SLC24A2: variants seen among roughly 807,000 people sequenced by gnomAD.
SLC24A2 encodes the protein solute carrier family 24 member 2.
Under a neutral mutation model 62.0 loss-of-function variants are expected in SLC24A2, and 36 were observed. The observed-to-expected ratio is 0.58, with a 90% CI of 0.44 to 0.77. The LOEUF (loss-of-function observed/expected upper bound fraction) is 0.77. SLC24A2 is among the 30% of genes least tolerant of loss of function. The pLI is 0.00. For synonymous variants in SLC24A2, 358 were observed against 294.0 expected, an observed-to-expected ratio of 1.22 and a Z score of -2.23; for missense variants, 846 against 817.9, an observed-to-expected ratio of 1.03 and a Z score of -0.42.
chr9:19,677,884 T>C (rs1819605722), intron 2 of SLC24A2, among the ~76,000 whole-genome samples: 1 of 151,342 alleles, frequency 6.6e-6, no homozygotes, highest in Admixed American at 6.6e-5. Flanking sequence ...TACAAACATA[T>C]ATAAGCAAAC....
the SLC24A2 span, among the ~76,000 whole-genome samples, chr9:20,231,051 C>T: frequency 0.13 from 20,128 of 151,678 alleles, 1,557 homozygotes; most frequent in African/African-American, 0.21. Context: ...TGTAGATATG[C>T]CGCATTATTT....
the SLC24A2 span, among the ~76,000 whole-genome samples, chr9:20,122,396 T>C: frequency 1.3e-5 from 2 of 152,282 alleles, no homozygotes; most frequent in East Asian, 3.9e-4. Flanking sequence ...TTTAAAACAT[T>C]ACTTTTTAGG....
intron 2 of SLC24A2, among the ~76,000 whole-genome samples, chr9:19,642,070 T>C (rs1309567654): frequency 2.0e-5 from 3 of 151,764 alleles, no homozygotes; most frequent in African/African-American, 7.3e-5. Context: ...TGTGTGTGAG[T>C]AGGAGTGTTA....
chr9:19,765,360 G>A (rs58558312), intron 2 of SLC24A2, among the ~76,000 whole-genome samples: 1 of 152,090 alleles, frequency 6.6e-6, no homozygotes, highest in Non-Finnish European at 1.5e-5. Flanking sequence ...TGGTTATTTT[G>A]CCCATTAGTT....
chr9:19,529,805 C>T (rs903612941), intron 8 of SLC24A2, among the ~76,000 whole-genome samples: 3 of 148,220 alleles, frequency 2.0e-5, no homozygotes, highest in Non-Finnish European at 4.4e-5. Context: ...GGCTGGAGTG[C>T]AGTGGCATGA....
chr9:20,300,383 G>A, the SLC24A2 span, among the ~76,000 whole-genome samples: 1 of 152,228 alleles, frequency 6.6e-6, no homozygotes, highest in African/African-American at 2.4e-5. Flanking sequence ...TTGTTTGTTT[G>A]TTTTCTATAA....
chr9:19,610,815 G>C (rs1309577475), intron 4 of SLC24A2, among the ~76,000 whole-genome samples: 1 of 152,216 alleles, frequency 6.6e-6, no homozygotes, highest in Non-Finnish European at 1.5e-5. Flanking sequence ...CATGGCTAGA[G>C]ACATATAGTT....
chr9:19,559,310 T>C (rs1230875054), intron 7 of SLC24A2, among the ~76,000 whole-genome samples: 1 of 152,228 alleles, frequency 6.6e-6, no homozygotes, highest in African/African-American at 2.4e-5. Context: ...TTACCCAATA[T>C]TTATCAAGCA....
At chr9:20,040,984 G>A in the SLC24A2 span, among the ~76,000 whole-genome samples, 2 of 152,200 alleles carry the variant, frequency 1.3e-5, no homozygotes, top group Admixed American at 1.3e-4. Context: ...CTAACGTAAT[G>A]CTTTTATTCT....
intron 2 of SLC24A2, among the ~76,000 whole-genome samples, chr9:19,698,803 C>T (rs1189246449): frequency 6.6e-6 from 1 of 152,172 alleles, no homozygotes; most frequent in South Asian, 2.1e-4. Context: ...GTGACATGGA[C>T]CCACCCATAG....
chr9:19,732,398 T>C (rs1821366700), intron 2 of SLC24A2, among the ~76,000 whole-genome samples: 1 of 152,182 alleles, frequency 6.6e-6, no homozygotes, highest in South Asian at 2.1e-4. Flanking sequence ...CAATACTGGC[T>C]ATTAAAGAGC....
the SLC24A2 span, among the ~76,000 whole-genome samples, chr9:20,065,496 G>A: frequency 9.8e-5 from 15 of 152,286 alleles, no homozygotes; most frequent in African/African-American, 2.9e-4. Flanking sequence ...GGAAGCTAAC[G>A]TTTCTCAAGG....
chr9:19,608,934 T>C (rs923736329), intron 4 of SLC24A2, among the ~76,000 whole-genome samples: 3 of 152,144 alleles, frequency 2.0e-5, no homozygotes, highest in African/African-American at 4.8e-5. Context: ...GTTGGGACAA[T>C]ACATAGTTTG....
rs1017245843 is a variant in SLC24A2, at chr9:19,632,847, G to A, written c.931-10548C>T. Among the ~76,000 whole-genome samples, 2 of 152,104 alleles carry A rather than the reference G, an allele frequency of 1.3e-5. No individual in the cohort carries two copies. The highest frequency in any genetic ancestry group is 4.8e-5 in the African/African-American group (2 of 41,414). ...GCACCTATTTGTGTTTGTGCATAGT[G>A]TGTATGTAGTTCTATGCAGTTTAAT... On this transcript the variant is annotated intron_variant, in intron 2 of 10. Transcript: ENST00000341998. The surrounding 1 kb of genome is among the most constrained non-coding windows in gnomAD (Gnocchi z 4.5).
the SLC24A2 span, among the ~76,000 whole-genome samples, chr9:20,160,115 G>A: frequency 6.6e-6 from 1 of 151,182 alleles, no homozygotes; most frequent in African/African-American, 2.4e-5. Context: ...CTAGATAATG[G>A]AAATCATAAG....
chr9:20,010,524 CA>C, the SLC24A2 span, among the ~76,000 whole-genome samples: 1 of 151,518 alleles, frequency 6.6e-6, no homozygotes, highest in Non-Finnish European at 1.5e-5. Context: ...AATTCATGAA[CA>C]AAATGAGAAG....
intron 5 of SLC24A2, among the ~76,000 whole-genome samples, chr9:19,586,060 ATC>A (rs1053854637): frequency 1.6e-4 from 24 of 152,144 alleles, no homozygotes; most frequent in African/African-American, 5.6e-4. Flanking sequence ...CACACTTCTT[ATC>A]TGTCTTATTT....
At chr9:20,026,745 G>T in the SLC24A2 span, among the ~76,000 whole-genome samples, 1 of 152,106 alleles carries the variant, frequency 6.6e-6, no homozygotes, top group African/African-American at 2.4e-5. Context: ...TAGGGGAAAA[G>T]CTCCGTGACA....
At chr9:20,179,110 A>G in the SLC24A2 span, among the ~76,000 whole-genome samples, 1 of 152,128 alleles carries the variant, frequency 6.6e-6, no homozygotes, top group African/African-American at 2.4e-5. Flanking sequence ...AGGTTTCCTA[A>G]TATCTCAATT....
Sources: allele counts gnomAD v4.1 joint callset (sites outside exome capture counted in the v4.1 genomes callset), GRCh38; gene constraint gnomAD v4.1.1; non-coding constraint Gnocchi (gnomAD v3.1); transcripts MANE v1.5; gene names NCBI Gene and HGNC (gene_info 2026-07-23, HGNC 2026-07-21).